CFHR5: variants seen among roughly 807,000 people sequenced by gnomAD.
The protein encoded by CFHR5 is complement factor H related 5.
In CFHR5, 73 loss-of-function variants were observed where a neutral mutation model predicts 62.9. That is an observed-to-expected ratio of 1.16 (90% CI 0.96 to 1.41). The LOEUF (loss-of-function observed/expected upper bound fraction) is 1.41. Among genes scored for constraint, CFHR5 ranks in the 40% most tolerant of loss-of-function variants. The pLI, the probability that CFHR5 is intolerant of heterozygous loss-of-function variation, is 0.00. For synonymous variants in CFHR5, 249 were observed against 227.2 expected, an observed-to-expected ratio of 1.10 and a Z score of -0.86; for missense variants, 779 against 679.9, an observed-to-expected ratio of 1.15 and a Z score of -1.62.
intron 5 of CFHR5, 23 bp from the exon 6 acceptor site, chr1:196,995,999 C>G (rs371809597): frequency 5.6e-6 from 9 of 1,610,748 alleles, no homozygotes; most frequent in Middle Eastern, 1.6e-4. Flanking sequence ...AGAGTAAGCA[C>G]TCATTTTATT....
intron 3 of CFHR5, among the ~76,000 whole-genome samples, chr1:196,992,929 ATTTTAT>A (rs2125032816): frequency 6.6e-6 from 1 of 152,284 alleles, no homozygotes; most frequent in Non-Finnish European, 1.5e-5. Flanking sequence ...ACATATTTCA[ATTTTAT>A]TTTTGTGTAT....
chr1:196,978,638 A>G (rs1338670709), intron 1 of CFHR5, among the ~76,000 whole-genome samples: 1 of 152,162 alleles, frequency 6.6e-6, no homozygotes, highest in African/African-American at 2.4e-5. Context: ...GCCCTTACAA[A>G]TGTTGCAAAA....
chr1:197,004,298 A>G (rs1405882411), intron 8 of CFHR5, among the ~76,000 whole-genome samples: 3 of 152,172 alleles, frequency 2.0e-5, no homozygotes, highest in Admixed American at 6.5e-5. Flanking sequence ...ACTAGTTGGT[A>G]TATGCTATTT....
In CFHR5 at chr1:196,977,617, C is replaced by T. The variant is rs903779211; in HGVS notation, c.-48C>T. The T allele has an allele frequency of 3.5e-6, 5 of 1,423,860 alleles. No individual in the cohort carries two copies. The highest frequency in any genetic ancestry group is 5.0e-6 in the Non-Finnish European group (5 of 1,007,348). 88.2% of individuals were successfully genotyped at this position (1,423,860 alleles called of 1,614,324 possible). On this transcript the variant is annotated 5_prime_UTR_variant, in exon 1 of 10. Coordinates refer to ENST00000256785, the MANE Select transcript of CFHR5 (RefSeq NM_030787.4). ...AATGAAAGCAGATTTAAAGCAACAC[C>T]ACCATCACTGGAGTATTTTTAGTTA...
At chr1:196,977,908 A>T (rs1221201160) in intron 1 of CFHR5, among the ~76,000 whole-genome samples, 186 bp downstream of exon 1, 1 of 152,196 alleles carries the variant, frequency 6.6e-6, no homozygotes, top group Non-Finnish European at 1.5e-5. Flanking sequence ...ATTGAATGAA[A>T]TTAATTCTCT....
chr1:196,991,783 G>T (rs116469249), intron 3 of CFHR5, among the ~76,000 whole-genome samples: 1 of 152,144 alleles, frequency 6.6e-6, no homozygotes, highest in African/African-American at 2.4e-5. Context: ...GCACCCACCT[G>T]TATGAGGTGT....
chr1:196,983,889 T>G, intron 2 of CFHR5, 72 bp from the exon 3 acceptor site: 2 of 1,088,770 alleles, frequency 1.8e-6, no homozygotes, highest in South Asian at 1.4e-5. Context: ...TTTTCCTTTC[T>G]TAATGAAATA....
chr1:196,979,072 A>G (rs983406947), intron 1 of CFHR5, among the ~76,000 whole-genome samples: 1 of 152,208 alleles, frequency 6.6e-6, no homozygotes, highest in Non-Finnish European at 1.5e-5. Context: ...GTACAAATAG[A>G]AAACTGCATG....
chr1:196,996,591 A>G (rs1234923741), intron 6 of CFHR5, among the ~76,000 whole-genome samples: 1 of 152,212 alleles, frequency 6.6e-6, no homozygotes, highest in African/African-American at 2.4e-5. Flanking sequence ...TTGTATTTCT[A>G]CAAATGATGG....
chr1:196,999,885 T>C (rs1300451685), intron 7 of CFHR5, among the ~76,000 whole-genome samples: 1 of 149,484 alleles, frequency 6.7e-6, no homozygotes, highest in African/African-American at 2.5e-5. Flanking sequence ...AATTCAGATA[T>C]TAGGAGGAAA....
chr1:197,006,065 T>C (rs1654280226), intron 9 of CFHR5, among the ~76,000 whole-genome samples: 2 of 152,190 alleles, frequency 1.3e-5, no homozygotes, highest in South Asian at 4.1e-4. Context: ...AATGCCATTA[T>C]CTAATATTTT....
chr1:196,994,114 T>A lies in CFHR5; in HGVS notation c.465T>A (p.Asn155Lys). 1 of 1,613,446 alleles carries A rather than the reference T, an allele frequency of 6.2e-7. No homozygotes were observed. The change falls in exon 4 of 10, where the codon AAT becomes AAA. Residue 155 changes from asparagine (N) to lysine (K), a missense_variant. Asn to Lys is a moderately conservative substitution (Grantham distance 94). Transcript: ENST00000256785. Reference sequence around the variant, plus strand: ...GTCATGTTCCAATTTTAGAAGCCAATGTAGATGCTCAGCCAAAAAAAGAAA... The same window carrying A: ...GTCATGTTCCAATTTTAGAAGCCAAAGTAGATGCTCAGCCAAAAAAAGAAA... ...GECHVPILEA[N>K]VDAQPKKESY...
chr1:196,979,923 T>A (rs1378182375), intron 1 of CFHR5, among the ~76,000 whole-genome samples: 2 of 152,158 alleles, frequency 1.3e-5, no homozygotes, highest in African/African-American at 4.8e-5. Context: ...AACTTGTAAC[T>A]CTTTTGTTTT....
intron 3 of CFHR5, among the ~76,000 whole-genome samples, chr1:196,985,194 T>C (rs1052060209): frequency 2.0e-5 from 3 of 152,088 alleles, no homozygotes; most frequent in Non-Finnish European, 4.4e-5. Flanking sequence ...CATCTTCAAC[T>C]CTTAATTTAA....
Position 197,008,490 on chromosome 1 carries a change from C to A in CFHR5, c.1517C>A (p.Pro506Gln). 6.3e-7 allele frequency: 1 copy of A among 1,582,944 alleles called. No individual in the cohort carries two copies. The highest frequency in any genetic ancestry group is 1.1e-5 in the South Asian group (1 of 87,194). Residue 506 changes from proline (P) to glutamine (Q), a missense_variant, in exon 10 of 10, where the codon CCA becomes CAA. Transcript: ENST00000256785. ...ATTTTACCATTTCTTCTTTCAGATC[C>A]ATGTGTGGTATCTGAAGAAAACATG... The part of the protein sequence containing the change: ...QWSEPPRCLD[P>Q]CVVSEENMNK...
At chr1:196,976,511 T>C (rs2125023187), upstream of CFHR5, among the ~76,000 whole-genome samples, 2 of 152,290 alleles carry the variant, frequency 1.3e-5, no homozygotes, top group African/African-American at 4.8e-5. Flanking sequence ...AGCCACGGAA[T>C]TGGGCTGCGA....
Position 197,008,898 on chromosome 1 carries a change from G to T in CFHR5, c.*215G>T. ...AGGGTGTCTTAGTCCATATTACATTGTTATAACAGAGTATCACAGACTGGA... is the reference window on the plus strand; with the variant it reads ...AGGGTGTCTTAGTCCATATTACATTTTTATAACAGAGTATCACAGACTGGA... On this transcript the variant is annotated 3_prime_UTR_variant, in exon 10 of 10. Coordinates refer to ENST00000256785, the MANE Select transcript of CFHR5 (RefSeq NM_030787.4). 1 of 518,080 alleles carries T rather than the reference G, an allele frequency of 1.9e-6. No individual in the cohort carries two copies. The highest frequency in any genetic ancestry group is 3.5e-6 in the Non-Finnish European group (1 of 288,328). The allele number at this position is 518,080 out of a possible 1,614,324, so 32.1% of individuals were successfully genotyped here. A position where few individuals can be genotyped will look rare whatever the true frequency, so the allele number is the denominator to read the frequency against.
In CFHR5 at chr1:197,008,746, TG is replaced by T. The variant is rs1306027817; in HGVS notation, c.*64del. The stretch of plus-strand genomic sequence containing the variant: ...CCATCTATGCTAAAAGTAGCCATTA[TG>T]TAGCCAATTCTGTAGTTACTTCTTT... On this transcript the variant is annotated 3_prime_UTR_variant, in exon 10 of 10. Coordinates refer to ENST00000256785, the MANE Select transcript of CFHR5 (RefSeq NM_030787.4). 1 of 1,308,532 alleles carries T rather than the reference TG, an allele frequency of 7.6e-7. No homozygotes were observed. Among genetic ancestry groups the T allele is most frequent in the African/African-American group, 1.5e-5 (1 of 68,710 alleles). The allele number at this position is 1,308,532 out of a possible 1,614,324, so 81.1% of individuals were successfully genotyped here. A position where few individuals can be genotyped will look rare whatever the true frequency, so the allele number is the denominator to read the frequency against.
chr1:197,006,208 A>G (rs955358028), intron 9 of CFHR5, among the ~76,000 whole-genome samples: 8 of 152,178 alleles, frequency 5.3e-5, no homozygotes, highest in Non-Finnish European at 1.2e-4. Context: ...TACCATGTTG[A>G]CAATCAGAGT....
Sources: gnomAD v4.1 joint callset for allele counts (sites outside exome capture counted in the v4.1 genomes callset) on GRCh38, gnomAD v4.1.1 for gene constraint, MANE v1.5 for transcripts, NCBI Gene and HGNC (gene_info 2026-07-23, HGNC 2026-07-21) for gene names.